The following ACTR3B variants were observed in gnomAD, a reference collection of about 807,000 sequenced individuals.
ACTR3B encodes actin related protein 3B, also known as actin-related protein 3B.
A neutral mutation model predicts 59.0 loss-of-function variants in ACTR3B; 8 were observed. That is an observed-to-expected ratio of 0.14 (90% confidence interval 0.08 to 0.24). The LOEUF (loss-of-function observed/expected upper bound fraction) is 0.24. Ranked by LOEUF, ACTR3B falls within the 10% of genes least tolerant of loss-of-function variation. The pLI is 1.00. For missense variants in ACTR3B, 245 were observed against 552.3 expected (o/e 0.44, Z 5.58); for synonymous variants, 148 against 197.9 (o/e 0.75, Z 2.12).
chr7:152,801,993 G>A (rs1052276401), intron 4 of ACTR3B, among the ~76,000 whole-genome samples: 197 of 152,180 alleles, frequency 1.3e-3, no homozygotes, highest in Non-Finnish European at 2.2e-3. Context: ...ATGCAGCCTA[G>A]GGCACTAGCT....
intron 2 of ACTR3B, among the ~76,000 whole-genome samples, chr7:152,800,277 G>A (rs2098230950): frequency 6.6e-6 from 1 of 152,234 alleles, no homozygotes; most frequent in Admixed American, 6.5e-5. Context: ...TTTTGCAATG[G>A]ACCTTCTGTC....
intron 2 of ACTR3B, among the ~76,000 whole-genome samples, chr7:152,792,048 C>T (rs1476742099): frequency 6.6e-6 from 1 of 152,066 alleles, no homozygotes; most frequent in Non-Finnish European, 1.5e-5. Flanking sequence ...CCCACCACCA[C>T]GCCCGGCTAA....
chr7:152,835,288 C>T (rs1238250753), intron 9 of ACTR3B, among the ~76,000 whole-genome samples: 2 of 152,054 alleles, frequency 1.3e-5, no homozygotes, highest in African/African-American at 4.8e-5. Flanking sequence ...ATTAGGTCAC[C>T]CTTACACAGG....
intron 1 of ACTR3B, among the ~76,000 whole-genome samples, chr7:152,781,889 G>A (rs549392627): frequency 6.6e-5 from 10 of 151,994 alleles, no homozygotes; most frequent in Non-Finnish European, 1.5e-4. Context: ...GAGCTGGAGA[G>A]GGCTTCACCT....
At chr7:152,825,164 A>T in intron 9 of ACTR3B, 42 bp downstream of exon 9, 1 of 1,590,698 alleles carries the variant, frequency 6.3e-7, no homozygotes, top group Non-Finnish European at 8.6e-7. Flanking sequence ...TCATTCCACA[A>T]TTAAAGGCCC....
Position 152,759,875 on chromosome 7 carries a change from T to C in ACTR3B, c.-8T>C. The C allele has an allele frequency of 1.5e-6, 2 of 1,330,464 alleles. No homozygotes were observed. Among genetic ancestry groups the C allele is most frequent in the Non-Finnish European group, 9.7e-7 (1 of 1,031,390 alleles). The allele number at this position is 1,330,464 out of a possible 1,614,324, so 82.4% of individuals were successfully genotyped here. On this transcript the variant is annotated 5_prime_UTR_variant, in exon 1 of 12. Coordinates refer to ENST00000256001, the MANE Select transcript of ACTR3B (RefSeq NM_020445.6). ...TGCCGGCGGGGCCGAGCGCCGCGCG[T>C]CCCGAGCATGGCAGGCTCCCTGCCT...
intron 10 of ACTR3B, 121 bp from the exon 11 acceptor site, chr7:152,853,373 T>C (rs1444989095): frequency 2.6e-6 from 2 of 763,742 alleles, no homozygotes; most frequent in African/African-American, 3.4e-5. Flanking sequence ...GGGTGTGAGG[T>C]GGTGCTCGTG....
chr7:152,765,261 G>A (rs1467228209), intron 1 of ACTR3B, among the ~76,000 whole-genome samples: 2 of 151,878 alleles, frequency 1.3e-5, no homozygotes, highest in African/African-American at 4.8e-5. Flanking sequence ...GGGATTACAG[G>A]CATGCGCCAC....
intron 9 of ACTR3B, among the ~76,000 whole-genome samples, chr7:152,850,652 A>T (rs1798730434): frequency 6.6e-6 from 1 of 152,254 alleles, no homozygotes; most frequent in Admixed American, 6.5e-5. Context: ...GAGAAAAATG[A>T]TCCCTTTGTA....
intron 2 of ACTR3B, among the ~76,000 whole-genome samples, chr7:152,789,662 G>T (rs1241227754): frequency 2.0e-5 from 3 of 151,246 alleles, no homozygotes; most frequent in Non-Finnish European, 4.4e-5. Context: ...TGGTTATTTT[G>T]TCTCTTCCAA....
rs550462670 is a variant in ACTR3B, at chr7:152,780,968, A to G, written c.45-2219A>G. Among the ~76,000 whole-genome samples, 16 of 150,426 alleles carry G rather than the reference A, an allele frequency of 1.1e-4. No individual in the cohort carries two copies. In the South Asian group the frequency reaches 1.5e-3, roughly 14 times the overall value. ...TTAACGGGTCCTCTTGCCTCAGTCT[A>G]TTATCCCCATTTTATAGTAACTGAC... On this transcript the variant is annotated intron_variant, in intron 1 of 11. Coordinates refer to ENST00000256001, the MANE Select transcript of ACTR3B (RefSeq NM_020445.6).
At chr7:152,849,307 G>A (rs187738626) in intron 9 of ACTR3B, among the ~76,000 whole-genome samples, 2 of 152,308 alleles carry the variant, frequency 1.3e-5, no homozygotes, top group East Asian at 3.9e-4. Context: ...TAGAAGTGTG[G>A]GGCCGACACC....
chr7:152,809,627 C>G (rs530586858), intron 4 of ACTR3B, among the ~76,000 whole-genome samples: 1 of 151,780 alleles, frequency 6.6e-6, no homozygotes, highest in East Asian at 1.9e-4. Context: ...CCGCAACCTC[C>G]GCCTCCCGGG....
At position 152,801,165 on chromosome 7, in the gene ACTR3B, G is replaced by A. The variant is rs552339578; in HGVS notation, c.226-456G>A. Among the ~76,000 whole-genome samples, 5 of 152,376 alleles carry A rather than the reference G, an allele frequency of 3.3e-5. No homozygotes were observed. The East Asian group carries it at 9.6e-4, about 29-fold the overall frequency. On this transcript the variant is annotated intron_variant, in intron 3 of 11. Coordinates refer to ENST00000256001, the MANE Select transcript of ACTR3B (RefSeq NM_020445.6). ...TGCCGTCTTGGCTCACTGCAGCCTCGACCTCCTGAGCTCAAGCAATCCTCT... is the reference window on the plus strand; with the variant it reads ...TGCCGTCTTGGCTCACTGCAGCCTCAACCTCCTGAGCTCAAGCAATCCTCT...
rs776907597 is a variant in ACTR3B at position 152,800,810 on chromosome 7, TG to T, written c.225+160del. Among the ~76,000 whole-genome samples, 5 of 151,746 alleles carry T rather than the reference TG, an allele frequency of 3.3e-5. No individual in the cohort carries two copies. In the East Asian group the frequency reaches 7.7e-4, roughly 23 times the overall value. On this transcript the variant is annotated intron_variant, in intron 3 of 11. Coordinates refer to ENST00000256001, the MANE Select transcript of ACTR3B (RefSeq NM_020445.6). Reference sequence around the variant, plus strand: ...GGTGGTGGTGATGGTTGGTTTTGAATGGGGGTATTTTTGATTGGAGAATTAA... The same window carrying T: ...GGTGGTGGTGATGGTTGGTTTTGAATGGGGTATTTTTGATTGGAGAATTAA...
chr7:152,822,447 A>G lies in ACTR3B; in HGVS notation c.685-895A>G, dbSNP rs751577498. Among the ~76,000 whole-genome samples, 98 of 152,322 alleles carry G rather than the reference A, an allele frequency of 6.4e-4. 1 individual carries two copies. Among genetic ancestry groups the G allele is most frequent in the Non-Finnish European group, 9.0e-4 (61 of 68,026 alleles). ...ATTCATCTTACCAGATACCCAGGAA[A>G]CACTTCGCATCCCTCAGGCTGCCTG... is the stretch of plus-strand genomic sequence containing the variant. On this transcript the variant is annotated intron_variant, in intron 7 of 11. Coordinates refer to ENST00000256001, the MANE Select transcript of ACTR3B (RefSeq NM_020445.6).
intron 4 of ACTR3B, among the ~76,000 whole-genome samples, chr7:152,809,385 G>A (rs1200911135): frequency 6.6e-6 from 1 of 152,044 alleles, no homozygotes; most frequent in Non-Finnish European, 1.5e-5. Context: ...GAACTGAAAA[G>A]GTGCTGGAAG....
At chr7:152,780,132 C>T (rs911282633) in intron 1 of ACTR3B, among the ~76,000 whole-genome samples, 12 of 152,082 alleles carry the variant, frequency 7.9e-5, no homozygotes, top group Non-Finnish European at 2.9e-5. Flanking sequence ...GCAGGCAGAT[C>T]ACAAGGTCAG....
chr7:152,810,624 C>T (rs1795150821), intron 4 of ACTR3B: 1 of 151,690 alleles, frequency 6.6e-6, no homozygotes, highest in Non-Finnish European at 1.5e-5. Context: ...AGTTTTTGGC[C>T]TGGCATGGTG....
Sources: gnomAD v4.1 joint callset for allele counts (sites outside exome capture counted in the v4.1 genomes callset) on GRCh38, gnomAD v4.1.1 for gene constraint, MANE v1.5 for transcripts, NCBI Gene and HGNC (gene_info 2026-07-23, HGNC 2026-07-21) for gene names.